NDNF: variants seen among roughly 807,000 people sequenced by gnomAD.
The protein encoded by NDNF is protein NDNF.
NDNF carries 16 observed loss-of-function variants against 42.0 expected under a neutral mutation model. The observed-to-expected ratio is 0.38, with a 90% confidence interval of 0.26 to 0.58. The LOEUF (loss-of-function observed/expected upper bound fraction) is 0.58. Among genes scored for constraint, NDNF ranks in the 20% least tolerant of loss-of-function variants. NDNF has a pLI of 0.67. For synonymous variants in NDNF, 248 were observed against 251.7 expected, an observed-to-expected ratio of 0.99 and a Z score of 0.14; for missense variants, 616 against 666.2, an observed-to-expected ratio of 0.92 and a Z score of 0.83.
At chr4:121,042,636 G>A (rs956983463) in intron 2 of NDNF, among the ~76,000 whole-genome samples, 2 of 152,122 alleles carry the variant, frequency 1.3e-5, no homozygotes, top group African/African-American at 4.8e-5. Flanking sequence ...TGGCCAGATT[G>A]CATGGGAGTT....
intron 3 of NDNF, among the ~76,000 whole-genome samples, chr4:121,039,630 T>C (rs1317356841): frequency 3.3e-5 from 5 of 152,098 alleles, no homozygotes; most frequent in East Asian, 1.9e-4. Context: ...TAAAGCCTTA[T>C]ACGTACGTGA....
At chr4:121,052,981 T>G (rs1187446335) in intron 1 of NDNF, among the ~76,000 whole-genome samples, 1 of 152,168 alleles carries the variant, frequency 6.6e-6, no homozygotes, top group Non-Finnish European at 1.5e-5. Context: ...TGGCACATGC[T>G]AGGTGAGCTC....
intron 1 of NDNF, chr4:121,071,617 C>G (rs868089599): frequency 4.6e-5 from 7 of 152,602 alleles, no homozygotes; most frequent in Admixed American, 3.3e-4. Context: ...AAAGGCTCCG[C>G]GGCTCCCCAG....
chr4:121,042,905 G>C (rs1403998148), intron 2 of NDNF, among the ~76,000 whole-genome samples: 1 of 152,088 alleles, frequency 6.6e-6, no homozygotes, highest in Non-Finnish European at 1.5e-5. Flanking sequence ...TAGGTCATAG[G>C]TGACCAGTTA....
chr4:121,057,537 G>C (rs529750479), intron 1 of NDNF, among the ~76,000 whole-genome samples: 4 of 152,178 alleles, frequency 2.6e-5, no homozygotes, highest in African/African-American at 9.7e-5. Flanking sequence ...TAACTGGCCA[G>C]TGTTAAATCC....
intron 1 of NDNF, among the ~76,000 whole-genome samples, chr4:121,063,442 T>C (rs1023372962): frequency 6.6e-6 from 1 of 152,144 alleles, no homozygotes; most frequent in Non-Finnish European, 1.5e-5. Context: ...TACACATATG[T>C]GCACATAAAC....
intron 1 of NDNF, among the ~76,000 whole-genome samples, chr4:121,066,299 C>G (rs1228172728): frequency 6.6e-6 from 1 of 152,168 alleles, no homozygotes; most frequent in African/African-American, 2.4e-5. Context: ...TTAGCTAGCG[C>G]TGGTGTTTCT....
In NDNF at chr4:121,036,549, T is replaced by C; in HGVS notation, c.1422A>G (p.Glu474=). The C allele has an allele frequency of 6.2e-7, 1 of 1,614,148 alleles. No individual in the cohort carries two copies. Among genetic ancestry groups the C allele is most frequent in the Non-Finnish European group, 8.5e-7 (1 of 1,180,014 alleles). Residue 474 remains glutamate (E), a synonymous_variant, in exon 4 of 4, where the codon GAA becomes GAG. Coordinates refer to ENST00000379692, the MANE Select transcript of NDNF (RefSeq NM_024574.4). ...TTTTGTAGATGCAAAACTTGTTCCT[T>C]TCCTGAGTGCCTAGCCAAGCCACGG... ...SATVAWLGTQ[E]RNKFCIYKKE...
At chr4:121,055,900 A>C (rs1014051329) in intron 1 of NDNF, among the ~76,000 whole-genome samples, 9 of 152,198 alleles carry the variant, frequency 5.9e-5, no homozygotes, top group Admixed American at 6.5e-5. Flanking sequence ...CCATTTGTTG[A>C]AAGTACCCAG....
In NDNF at chr4:121,035,720, A is replaced by G. The variant is rs1726850997; in HGVS notation, c.*544T>C. 1 of 152,624 alleles carries G rather than the reference A, an allele frequency of 6.6e-6. No homozygotes were observed. The highest frequency in any genetic ancestry group is 2.4e-5 in the African/African-American group (1 of 41,450). The allele number at this position is 152,624 out of a possible 1,614,324, so 9.5% of individuals were successfully genotyped here. On this transcript the variant is annotated 3_prime_UTR_variant, in exon 4 of 4. Transcript: ENST00000379692. ...GATACATATAGTATTTAAACATTTT[A>G]CTCAACAAACAAGAATTTACAATAG...
chr4:121,039,182 GTGTGTGTGTGTATA>G (rs1204955201), intron 3 of NDNF, among the ~76,000 whole-genome samples: 812 of 13,778 alleles, frequency 0.059, 28 homozygotes, highest in African/African-American at 0.099. Flanking sequence ...AAGACTATGT[GTGTGTGTGTGTATA>G]TATATATATA....
At chr4:121,065,093 C>T (rs758594969) in intron 1 of NDNF, among the ~76,000 whole-genome samples, 5 of 152,092 alleles carry the variant, frequency 3.3e-5, no homozygotes, top group Non-Finnish European at 7.4e-5. Context: ...GCCACTGCAC[C>T]TAGCAGAATG....
At chr4:121,048,655 T>C (rs747320251) in intron 1 of NDNF, among the ~76,000 whole-genome samples, 4 of 152,126 alleles carry the variant, frequency 2.6e-5, no homozygotes, top group African/African-American at 7.2e-5. Flanking sequence ...CTGGCCAACA[T>C]GGCAAAACCC....
chr4:121,052,826 G>C (rs1727222989), intron 1 of NDNF, among the ~76,000 whole-genome samples: 2 of 152,200 alleles, frequency 1.3e-5, no homozygotes, highest in South Asian at 4.1e-4. Flanking sequence ...GAAAATGTCT[G>C]AAGTTAGTTG....
At chr4:121,050,834 A>C (rs551849816) in intron 1 of NDNF, among the ~76,000 whole-genome samples, 1 of 152,314 alleles carries the variant, frequency 6.6e-6, no homozygotes, top group African/African-American at 2.4e-5. Context: ...GATACAACTC[A>C]ATCTTTAGAA....
chr4:121,045,179 C>T (rs535746252), intron 2 of NDNF, among the ~76,000 whole-genome samples: 1 of 152,126 alleles, frequency 6.6e-6, no homozygotes, highest in East Asian at 1.9e-4. Flanking sequence ...GGTGAAACCC[C>T]GTCTCTATTA....
At position 121,037,139 on chromosome 4, in the gene NDNF, G is replaced by T; in HGVS notation, c.832C>A (p.Arg278Ser). 1 of 1,613,924 alleles carries T rather than the reference G, an allele frequency of 6.2e-7. No homozygotes were observed. The highest frequency in any genetic ancestry group is 8.5e-7 in the Non-Finnish European group (1 of 1,180,012). The change falls in exon 4 of 4, where the codon CGT (arginine) becomes AGT (serine). Residue 278 changes from arginine to serine, a missense_variant. Transcript: ENST00000379692. ...FQAKPSPKLG[R>S]HVYSRPKVDI... ...ACCTTGGGCCTGGAGTAGACATGAC[G>T]CCCCAGTTTTGGAGAAGGCTTTGCC...
intron 1 of NDNF, among the ~76,000 whole-genome samples, chr4:121,053,265 G>A (rs1727231338): frequency 1.3e-5 from 2 of 152,208 alleles, no homozygotes; most frequent in Admixed American, 6.5e-5. Flanking sequence ...AAAAAGCAAT[G>A]TGAAATTAAA....
chr4:121,055,730 A>T, intron 1 of NDNF, among the ~76,000 whole-genome samples: 1 of 152,206 alleles, frequency 6.6e-6, no homozygotes, highest in East Asian at 1.9e-4. Flanking sequence ...GATTTCAATT[A>T]TCATGGTGGG....
Sources: gnomAD v4.1 joint callset for allele counts (sites outside exome capture counted in the v4.1 genomes callset) on GRCh38, gnomAD v4.1.1 for gene constraint, MANE v1.5 for transcripts, NCBI Gene and HGNC (gene_info 2026-07-23, HGNC 2026-07-21) for gene names.